PTPRD: variants seen among roughly 807,000 people sequenced by gnomAD.
PTPRD encodes the protein receptor-type tyrosine-protein phosphatase delta.
In PTPRD, 34 loss-of-function variants were observed where a neutral mutation model predicts 214.5. The ratio of observed to expected loss-of-function variants is 0.16; its 90% CI spans 0.12 to 0.21. The LOEUF (loss-of-function observed/expected upper bound fraction) is 0.21, where lower values mean the gene tolerates loss of function less well. PTPRD is among the 10% of genes least tolerant of loss of function. The pLI, the probability that PTPRD is intolerant of heterozygous loss-of-function variation, is 1.00. For missense variants in PTPRD, 2,545 were observed against 2,398.7 expected, an observed-to-expected ratio of 1.06 and a Z score of -1.27; for synonymous variants, 1,128 against 845.7, an observed-to-expected ratio of 1.33 and a Z score of -5.79.
chr9:9,301,313 A>G (rs1955205157), intron 9 of PTPRD, among the ~76,000 whole-genome samples: 1 of 151,874 alleles, frequency 6.6e-6, no homozygotes, highest in Admixed American at 6.6e-5. Flanking sequence ...GACTGTGCCA[A>G]CTGAAATGTG....
At position 10,111,229 on chromosome 9, in the gene PTPRD, C is replaced by CTTT. The variant is rs34045121; in HGVS notation, c.-544-77442_-544-77440dup. Among the ~76,000 whole-genome samples the CTTT allele has an allele frequency of 6.6e-3, 474 of 72,214 alleles. 94 individuals carry two copies. The highest frequency in any genetic ancestry group is 0.023 in the African/African-American group (404 of 17,532). The allele number at this position is 72,214 out of a possible 152,430, so 47.4% of individuals were successfully genotyped here. A position where few individuals can be genotyped will look rare whatever the true frequency, so the allele number is the denominator to read the frequency against. On this transcript the variant is annotated intron_variant, in intron 3 of 45. Transcript: ENST00000381196. ...AATCTGTGTGCTTCCAGTTTAGTTT[C>CTTT]TTTTTTTTTTTTTTTTTTTTTTTTT...
At chr9:10,431,110 A>C (rs895742126) in intron 2 of PTPRD, among the ~76,000 whole-genome samples, 1 of 152,030 alleles carries the variant, frequency 6.6e-6, no homozygotes, top group Admixed American at 6.6e-5. Context: ...CTCCATTAAC[A>C]TAAGCCTCTC....
chr9:8,542,773 A>C (rs904376053), intron 14 of PTPRD, among the ~76,000 whole-genome samples: 1 of 152,234 alleles, frequency 6.6e-6, no homozygotes, highest in African/African-American at 2.4e-5. Context: ...CTCAGGATGA[A>C]GGCAAGAAAT....
chr9:8,729,477 A>C (rs2098630988), intron 12 of PTPRD, among the ~76,000 whole-genome samples: 1 of 152,126 alleles, frequency 6.6e-6, no homozygotes, highest in African/African-American at 2.4e-5. Context: ...AGTGCTTCAC[A>C]CGTGCTCAAT....
At chr9:10,233,478 T>C (rs1481005914) in intron 3 of PTPRD, among the ~76,000 whole-genome samples, 2 of 151,994 alleles carry the variant, frequency 1.3e-5, no homozygotes, top group African/African-American at 4.8e-5. Flanking sequence ...CAGCTTGAGA[T>C]CTCTGTCTCT....
chr9:10,022,658 GA>G (rs555265156), intron 4 of PTPRD, among the ~76,000 whole-genome samples: 6 of 151,994 alleles, frequency 3.9e-5, no homozygotes, highest in East Asian at 1.9e-4. Flanking sequence ...TAAACTATAG[GA>G]AAAAAATCAT....
chr9:8,794,607 T>A (rs1174634335), intron 11 of PTPRD, among the ~76,000 whole-genome samples: 1 of 151,144 alleles, frequency 6.6e-6, no homozygotes, highest in Non-Finnish European at 1.5e-5. Flanking sequence ...GCCTCCCAAG[T>A]AGCTGGAGCT....
chr9:10,316,564 T>G (rs1336606465), intron 3 of PTPRD, among the ~76,000 whole-genome samples: 1 of 151,974 alleles, frequency 6.6e-6, no homozygotes, highest in Non-Finnish European at 1.5e-5. Flanking sequence ...TTGTGAATGA[T>G]TTCATTTGGT....
intron 30 of PTPRD, among the ~76,000 whole-genome samples, chr9:8,472,457 T>C (rs567747963): frequency 6.6e-5 from 10 of 152,188 alleles, no homozygotes; most frequent in African/African-American, 2.4e-4. Context: ...TGTAATAAAC[T>C]CAGTAAACTC....
chr9:9,449,452 G>C (rs765427517), intron 8 of PTPRD, among the ~76,000 whole-genome samples: 1 of 152,000 alleles, frequency 6.6e-6, no homozygotes, highest in Non-Finnish European at 1.5e-5. Context: ...TGTAATTGCT[G>C]ATTGGATGTC....
rs149949584 is a variant in PTPRD, at chr9:9,559,825, T to G, written c.-237+14907A>C. ...AAAAACATCCACCCTCAGAATATCC[T>G]CAGGCATGGGAGAGACATAAGCGGT... On this transcript the variant is annotated intron_variant, in intron 8 of 45. Transcript: ENST00000381196. Among the ~76,000 whole-genome samples, 521 of 152,190 alleles carry G rather than the reference T, an allele frequency of 3.4e-3. 3 individuals carry two copies. The highest frequency in any genetic ancestry group is 0.012 in the African/African-American group (501 of 41,532).
chr9:8,418,358 A>T (rs1270649496), intron 35 of PTPRD, among the ~76,000 whole-genome samples: 1 of 151,936 alleles, frequency 6.6e-6, no homozygotes, highest in Non-Finnish European at 1.5e-5. Flanking sequence ...TACAGACTGG[A>T]GCATCCATTT....
At chr9:9,864,671 A>G (rs1218304465) in intron 5 of PTPRD, among the ~76,000 whole-genome samples, 1 of 151,894 alleles carries the variant, frequency 6.6e-6, no homozygotes, top group African/African-American at 2.4e-5. Context: ...GGCGCACACC[A>G]CCAAGCCCAG....
chr9:10,174,731 G>A (rs181163393), intron 3 of PTPRD, among the ~76,000 whole-genome samples: 152 of 151,418 alleles, frequency 1.0e-3, no homozygotes, highest in African/African-American at 3.3e-3. Context: ...AGATGCCTAC[G>A]GTAATTTCAA....
intron 14 of PTPRD, among the ~76,000 whole-genome samples, chr9:8,615,044 T>C (rs1595318071): frequency 1.3e-5 from 2 of 152,262 alleles, no homozygotes; most frequent in East Asian, 3.9e-4. Flanking sequence ...TCTTTTTAGC[T>C]GTCTCTTTCA....
At chr9:9,442,298 T>C (rs1190645630) in intron 8 of PTPRD, 1 of 152,228 alleles carries the variant, frequency 6.6e-6, no homozygotes, top group African/African-American at 2.4e-5. Context: ...TCAGTAGAAG[T>C]CTGTAATGCT....
At chr9:9,009,340 T>C (rs1170069845) in intron 11 of PTPRD, among the ~76,000 whole-genome samples, 3 of 152,058 alleles carry the variant, frequency 2.0e-5, no homozygotes, top group Non-Finnish European at 4.4e-5. Flanking sequence ...AATTGAAATA[T>C]TGGGTTGCAG....
At chr9:8,815,489 A>AT (rs1405126199) in intron 11 of PTPRD, among the ~76,000 whole-genome samples, 16 of 152,220 alleles carry the variant, frequency 1.1e-4, no homozygotes, top group Non-Finnish European at 1.8e-4. Flanking sequence ...ATGAGCATCC[A>AT]TTAGCAGTTA....
chr9:8,932,771 G>C (rs960269702), intron 11 of PTPRD, among the ~76,000 whole-genome samples: 4 of 152,188 alleles, frequency 2.6e-5, no homozygotes, highest in Non-Finnish European at 4.4e-5. Context: ...TGCTGGCAGA[G>C]AGAATTTCAA....
Sources: gnomAD v4.1 joint callset for allele counts (sites outside exome capture counted in the v4.1 genomes callset) on GRCh38, gnomAD v4.1.1 for gene constraint, MANE v1.5 for transcripts, NCBI Gene and HGNC (gene_info 2026-07-23, HGNC 2026-07-21) for gene names.